IKBKB-DT: variants seen among roughly 807,000 people sequenced by gnomAD.
IKBKB-DT encodes the protein IKBKB divergent transcript.
At chr8:42,245,488 C>G (rs993832344) in intron 3 of IKBKB-DT, among the ~76,000 whole-genome samples, 1 of 152,198 alleles carries the variant, frequency 6.6e-6, no homozygotes, top group Non-Finnish European at 1.5e-5. Flanking sequence ...CCCAGGGAGC[C>G]ACACAGAAAT....
chr8:42,236,872 C>T (rs1478880061), intron 3 of IKBKB-DT, among the ~76,000 whole-genome samples: 1 of 152,048 alleles, frequency 6.6e-6, no homozygotes, highest in Non-Finnish European at 1.5e-5. Context: ...AAAAATATTT[C>T]AAAATTTTAA....
chr8:42,260,850 C>T (rs1257648066), intron 3 of IKBKB-DT, among the ~76,000 whole-genome samples: 5 of 152,012 alleles, frequency 3.3e-5, no homozygotes, highest in Non-Finnish European at 7.4e-5. Flanking sequence ...CCTCTTAGGA[C>T]TTAAAACCAA....
chr8:42,249,247 TG>T (rs1807099958), intron 3 of IKBKB-DT: 1 of 152,050 alleles, frequency 6.6e-6, no homozygotes, highest in South Asian at 2.1e-4. Context: ...CACGTGCCTG[TG>T]GTCCCAGTTT....
At chr8:42,247,206 G>A (rs1214272560) in intron 3 of IKBKB-DT, among the ~76,000 whole-genome samples, 2 of 152,200 alleles carry the variant, frequency 1.3e-5, no homozygotes, top group Non-Finnish European at 2.9e-5. Flanking sequence ...AGCCACAGGG[G>A]TGGAGCTGCC....
chr8:42,261,953 C>T (rs1807294869), intron 3 of IKBKB-DT, among the ~76,000 whole-genome samples: 1 of 152,230 alleles, frequency 6.6e-6, no homozygotes, highest in African/African-American at 2.4e-5. Flanking sequence ...GGCGCCTCAG[C>T]AGGCGGATAG....
intron 3 of IKBKB-DT, among the ~76,000 whole-genome samples, chr8:42,248,837 C>T (rs1807093481): frequency 6.7e-6 from 1 of 150,180 alleles, no homozygotes; most frequent in African/African-American, 2.5e-5. Flanking sequence ...AGATCGTGCC[C>T]CTGTACTCCA....
chr8:42,252,690 C>A (rs1393483759), intron 3 of IKBKB-DT, among the ~76,000 whole-genome samples: 1 of 152,194 alleles, frequency 6.6e-6, no homozygotes, highest in Non-Finnish European at 1.5e-5. Context: ...AAATAAATGT[C>A]TGGAATAATA....
At chr8:42,241,873 A>C (rs1807008675) in intron 3 of IKBKB-DT, among the ~76,000 whole-genome samples, 1 of 152,168 alleles carries the variant, frequency 6.6e-6, no homozygotes. Context: ...GGTCGAACTA[A>C]TATTAGAGGA....
At chr8:42,256,706 T>C (rs1053795955) in intron 3 of IKBKB-DT, among the ~76,000 whole-genome samples, 1 of 152,198 alleles carries the variant, frequency 6.6e-6, no homozygotes, top group Non-Finnish European at 1.5e-5. Context: ...ATTAGTGTTC[T>C]GGAAGTTGAA....
intron 3 of IKBKB-DT, among the ~76,000 whole-genome samples, chr8:42,234,606 T>C (rs1806894019): frequency 6.6e-6 from 1 of 152,152 alleles, no homozygotes; most frequent in South Asian, 2.1e-4. Flanking sequence ...ATTTATTTTA[T>C]ACTTTATTTA....
rs561992187 is a variant in IKBKB-DT at position 42,256,364 on chromosome 8, C to G, written n.1529+6965G>C. ...ATAGCCTGAGGTGAGAAGTTTGAGA[C>G]CAGCCTGGCCAACATAGTGAAACCC... is the stretch of plus-strand genomic sequence containing the variant. On this transcript the variant is annotated intron_variant and non_coding_transcript_variant, in intron 3 of 3. Coordinates refer to ENST00000518213, the Ensembl canonical transcript of IKBKB-DT. Among the ~76,000 whole-genome samples the G allele has an allele frequency of 9.3e-5, 14 of 151,178 alleles. No homozygotes were observed. The East Asian group carries it at 2.7e-3, about 29-fold the overall frequency.
At chr8:42,240,502 G>A (rs956167015) in intron 3 of IKBKB-DT, among the ~76,000 whole-genome samples, 4 of 151,488 alleles carry the variant, frequency 2.6e-5, no homozygotes, top group Admixed American at 6.6e-5. Flanking sequence ...GTGGACGCCT[G>A]TAGTCCCAGC....
At chr8:42,240,714 T>A (rs1327287802) in intron 3 of IKBKB-DT, among the ~76,000 whole-genome samples, 1 of 147,744 alleles carries the variant, frequency 6.8e-6, no homozygotes, top group Non-Finnish European at 1.5e-5. Context: ...CTGTGGCTCA[T>A]GCCTGTAATC....
At chr8:42,241,083 C>T (rs1806995538) in intron 3 of IKBKB-DT, among the ~76,000 whole-genome samples, 2 of 152,062 alleles carry the variant, frequency 1.3e-5, no homozygotes, top group Non-Finnish European at 2.9e-5. Context: ...ATTACATGTT[C>T]TGTATCATTT....
chr8:42,259,926 G>A (rs1444189854), intron 3 of IKBKB-DT, among the ~76,000 whole-genome samples: 1 of 149,474 alleles, frequency 6.7e-6, no homozygotes. Context: ...AGGTTGCAGT[G>A]AGCTGAGATT....
At chr8:42,237,175 C>T (rs1270754897) in intron 3 of IKBKB-DT, among the ~76,000 whole-genome samples, 1 of 152,070 alleles carries the variant, frequency 6.6e-6, no homozygotes, top group Non-Finnish European at 1.5e-5. Context: ...CAATCTCCGC[C>T]TCCCGGGTTC....
intron 1 of IKBKB-DT, among the ~76,000 whole-genome samples, chr8:42,266,989 G>T (rs949761454): frequency 6.9e-5 from 10 of 143,968 alleles, no homozygotes; most frequent in South Asian, 2.2e-4. Context: ...TTCTTTTTTT[G>T]TTTGTTTTTT....
At chr8:42,248,972 A>C (rs1281440341) in intron 3 of IKBKB-DT, 1 of 152,188 alleles carries the variant, frequency 6.6e-6, no homozygotes, top group African/African-American at 2.4e-5. Context: ...CTTCACTGGA[A>C]GTTCTTTCAA....
chr8:42,239,688 G>C (rs56171968), intron 3 of IKBKB-DT, among the ~76,000 whole-genome samples: 1 of 115,106 alleles, frequency 8.7e-6, no homozygotes, highest in South Asian at 2.9e-4. Flanking sequence ...TCTTCTTGCC[G>C]AGGCTAGAGT....
Sources: allele counts gnomAD v4.1 joint callset (sites outside exome capture counted in the v4.1 genomes callset), GRCh38; gene constraint gnomAD v4.1.1; transcripts MANE v1.5; gene names NCBI Gene and HGNC (gene_info 2026-07-23, HGNC 2026-07-21).